The following COG2 variants were observed in gnomAD, a reference collection of about 807,000 sequenced individuals.
The protein encoded by COG2 is component of oligomeric golgi complex 2.
COG2 carries 52 observed loss-of-function variants against 90.6 expected under a neutral mutation model. The ratio of observed to expected loss-of-function variants is 0.57; its 90% confidence interval spans 0.46 to 0.72. The LOEUF (loss-of-function observed/expected upper bound fraction) is 0.72. Among genes scored for constraint, COG2 ranks in the 30% least tolerant of loss-of-function variants. The pLI, the probability that COG2 is intolerant of heterozygous loss-of-function variation, is 0.00. For missense variants in COG2, 829 were observed against 891.2 expected, an observed-to-expected ratio of 0.93 and a Z score of 0.89; for synonymous variants, 337 against 320.4, an observed-to-expected ratio of 1.05 and a Z score of -0.55.
intron 1 of COG2, among the ~76,000 whole-genome samples, chr1:230,649,092 A>G (rs1661854869): frequency 6.6e-6 from 1 of 152,236 alleles, no homozygotes; most frequent in Non-Finnish European, 1.5e-5. Flanking sequence ...TTTAGACATA[A>G]AATTGATTAA....
rs769246383 is a variant in COG2 at position 230,660,791 on chromosome 1, G to A, written c.268G>A (p.Val90Met). 16 of 1,586,134 alleles carry A rather than the reference G, an allele frequency of 1.0e-5. No individual in the cohort carries two copies. The highest frequency in any genetic ancestry group is 1.3e-5 in the Non-Finnish European group (15 of 1,167,860). ...GGACAAAGCCCTCAACCAGCTTTCT[G>A]TGCCTTTGGGACAATTACGAGAAGA... The part of the protein sequence containing the change: ...GMDKALNQLS[V>M]PLGQLREEVL... Residue 90 changes from valine to methionine, a missense_variant, in exon 3 of 18, where the codon GTG (valine) becomes ATG (methionine). Coordinates refer to ENST00000366669, the MANE Select transcript of COG2 (RefSeq NM_007357.3).
chr1:230,642,516 A>T lies in COG2; in HGVS notation c.-91A>T. ...AAGCGGACCCCCCTGTGCCGTGGAA[A>T]CTGGCGGTGGCCGCGGCCGCCGAGT... is the stretch of plus-strand genomic sequence containing the variant. On this transcript the variant is annotated 5_prime_UTR_variant, in exon 1 of 18. Coordinates refer to ENST00000366669, the MANE Select transcript of COG2 (RefSeq NM_007357.3). 2 of 1,315,156 alleles carry T rather than the reference A, an allele frequency of 1.5e-6. No individual in the cohort carries two copies. Among genetic ancestry groups the T allele is most frequent in the Non-Finnish European group, 2.1e-6 (2 of 937,614 alleles). The allele number at this position is 1,315,156 out of a possible 1,614,324, so 81.5% of individuals were successfully genotyped here.
chr1:230,650,617 TG>T (rs2102742634), intron 1 of COG2, among the ~76,000 whole-genome samples: 1 of 152,316 alleles, frequency 6.6e-6, no homozygotes, highest in South Asian at 2.1e-4. Flanking sequence ...GTTGCATGTA[TG>T]ATTTCCAAAT....
chr1:230,655,007 A>G (rs968248512), intron 1 of COG2, among the ~76,000 whole-genome samples: 7 of 152,106 alleles, frequency 4.6e-5, no homozygotes, highest in African/African-American at 1.7e-4. Flanking sequence ...CTGAGATGAT[A>G]GGGTTTTCTA....
Position 230,659,589 on chromosome 1 carries a change from G to A in COG2, c.198G>A (p.Lys66=). 1.9e-6 allele frequency: 3 copies of A among 1,613,588 alleles called. No individual in the cohort carries two copies. Among genetic ancestry groups the A allele is most frequent in the Non-Finnish European group, 2.5e-6 (3 of 1,179,800 alleles). ...LKTAMVELIN[K]DYADFVNLST... ...CAGCCATGGTCGAACTCATCAACAAGGATTATGCAGATTTTGTCAATCTTT... is the reference window on the plus strand; with the variant it reads ...CAGCCATGGTCGAACTCATCAACAAAGATTATGCAGATTTTGTCAATCTTT... The change falls in exon 2 of 18, where the codon AAG becomes AAA. Residue 66 remains lysine, a synonymous_variant. Transcript: ENST00000366669.
rs554267542 is a variant in COG2, at chr1:230,665,708, T to A, written c.485+1121T>A. 5.9e-5 allele frequency among the ~76,000 whole-genome samples: 9 copies of A among 152,328 alleles called. No individual in the cohort carries two copies. The South Asian group carries it at 1.9e-3, about 32-fold the overall frequency. On this transcript the variant is annotated intron_variant, in intron 5 of 17. Transcript: ENST00000366669. ...TCTTTTTTCTTCAGCCTGTAGTACTTCTGCTTCTGTCCGTTCTGTTCCCCT... is the reference window on the plus strand; with the variant it reads ...TCTTTTTTCTTCAGCCTGTAGTACTACTGCTTCTGTCCGTTCTGTTCCCCT...
chr1:230,688,395 T>TA (rs762866099), intron 14 of COG2, 25 bp from the exon 15 acceptor site: 1 of 1,613,014 alleles, frequency 6.2e-7, no homozygotes, highest in Non-Finnish European at 8.5e-7. Context: ...GCATGATGAT[T>TA]AAATCCAGTC....
chr1:230,693,225 C>CT, intron 17 of COG2, 67 bp from the exon 18 acceptor site: 39 of 942,140 alleles, frequency 4.1e-5, no homozygotes, highest in East Asian at 7.4e-5. Context: ...GATTTTCTTT[C>CT]TTTTTTTTCC....
intron 9 of COG2, chr1:230,677,890 T>G: frequency 7.5e-6 from 2 of 265,280 alleles, no homozygotes; most frequent in Non-Finnish European, 1.2e-5. Flanking sequence ...ATCCATTATA[T>G]GCAGAGGTAT....
In COG2 at chr1:230,693,428, C is replaced by G; in HGVS notation, c.*35C>G. ...AAGATCCCGAGGTTAGATTCTTAAG[C>G]AAGAGAAGAGTTGGACTTCCAGGCT... On this transcript the variant is annotated 3_prime_UTR_variant, in exon 18 of 18. Transcript: ENST00000366669. 1 of 1,384,782 alleles carries G rather than the reference C, an allele frequency of 7.2e-7. No homozygotes were observed. Among genetic ancestry groups the G allele is most frequent in the Non-Finnish European group, 1.0e-6 (1 of 983,612 alleles). The allele number at this position is 1,384,782 out of a possible 1,614,324, so 85.8% of individuals were successfully genotyped here. A position where few individuals can be genotyped will look rare whatever the true frequency, so the allele number is the denominator to read the frequency against.
chr1:230,660,958 T>C (rs1662166962), intron 3 of COG2, 135 bp downstream of exon 3: 3 of 471,850 alleles, frequency 6.4e-6, no homozygotes, highest in Non-Finnish European at 1.1e-5. Context: ...ATAATACTCA[T>C]CCTCAGAAAA....
intron 9 of COG2, 57 bp downstream of exon 9, chr1:230,675,181 TATC>T: frequency 1.9e-6 from 3 of 1,559,982 alleles, no homozygotes; most frequent in Non-Finnish European, 2.6e-6. Flanking sequence ...ACTGGAGAAA[TATC>T]ATGTTCTCTT....
chr1:230,671,416 GA>G (rs1662445110), intron 7 of COG2, 99 bp from the exon 8 acceptor site: 1 of 1,031,908 alleles, frequency 9.7e-7, no homozygotes, highest in African/African-American at 1.6e-5. Context: ...TGAGTGTGAG[GA>G]AGCAGATTTG....
chr1:230,642,578 C>A lies in COG2; in HGVS notation c.-29C>A, dbSNP rs1399019917. 1.2e-6 allele frequency: 2 copies of A among 1,603,994 alleles called. No individual in the cohort carries two copies. The highest frequency in any genetic ancestry group is 1.3e-5 in the African/African-American group (1 of 74,772). ...GCCTCCTGCGTTTTCTCGCTTGGATCTTGGCACTGAGAGGCGGTGGCCGGC... is the reference window on the plus strand; with the variant it reads ...GCCTCCTGCGTTTTCTCGCTTGGATATTGGCACTGAGAGGCGGTGGCCGGC... On this transcript the variant is annotated 5_prime_UTR_variant, in exon 1 of 18. Transcript: ENST00000366669.
At chr1:230,649,437 C>T (rs1258425983) in intron 1 of COG2, among the ~76,000 whole-genome samples, 1 of 152,140 alleles carries the variant, frequency 6.6e-6, no homozygotes, top group Non-Finnish European at 1.5e-5. Context: ...ATGGCTGTTG[C>T]CTTCATGACA....
chr1:230,652,949 A>G (rs1409439033), intron 1 of COG2, among the ~76,000 whole-genome samples: 1 of 152,208 alleles, frequency 6.6e-6, no homozygotes, highest in African/African-American at 2.4e-5. Context: ...TGAAATAATT[A>G]CCATAATCAA....
Position 230,664,594 on chromosome 1 carries a change from AT to A in COG2, c.485+13del. On this transcript the variant is annotated splice_region_variant and intron_variant, in intron 5 of 17. Coordinates refer to ENST00000366669, the MANE Select transcript of COG2 (RefSeq NM_007357.3). ...CTGCACTAGAAGCAAGCAGGTAAGT[AT>A]TTTTTATTAAATAACTCGTAAATTA... 2.1e-6 allele frequency: 3 copies of A among 1,397,406 alleles called. No individual in the cohort carries two copies. The highest frequency in any genetic ancestry group is 3.0e-6 in the Non-Finnish European group (3 of 1,015,826). 86.6% of individuals were successfully genotyped at this position (1,397,406 alleles called of 1,614,324 possible).
chr1:230,647,078 T>TATGTA (rs1215975681), intron 1 of COG2, among the ~76,000 whole-genome samples: 50 of 152,130 alleles, frequency 3.3e-4, no homozygotes, highest in Admixed American at 2.7e-3. Flanking sequence ...TCGGTGCTTG[T>TATGTA]ATGTAACAGG....
rs1193706311 is a variant in COG2, at chr1:230,668,313, GA to G, written c.486-361del. On this transcript the variant is annotated intron_variant, in intron 5 of 17. Transcript: ENST00000366669. ...TAGAAGGGAGGTTAAAGCTGAAAAA[GA>G]AGGTCATGAATGGGAGAGCTTGGAG... 2.6e-5 allele frequency among the ~76,000 whole-genome samples: 4 copies of G among 152,112 alleles called. No individual in the cohort carries two copies. The East Asian group carries it at 7.7e-4, about 29-fold the overall frequency.
Sources: allele counts gnomAD v4.1 joint callset (sites outside exome capture counted in the v4.1 genomes callset), GRCh38; gene constraint gnomAD v4.1.1; transcripts MANE v1.5; gene names NCBI Gene and HGNC (gene_info 2026-07-23, HGNC 2026-07-21).